NLRP8: variants seen among roughly 807,000 people sequenced by gnomAD.
The protein encoded by NLRP8 is NLR family pyrin domain containing 8.
In NLRP8, 86 loss-of-function variants were observed where a neutral mutation model predicts 88.7. That is an observed-to-expected ratio of 0.97 (90% CI 0.81 to 1.16). NLRP8 has a LOEUF of 1.16. Ranked by LOEUF, NLRP8 falls within the 50% of genes most tolerant of loss-of-function variation. NLRP8 has a pLI of 0.00. For synonymous variants in NLRP8, 504 were observed against 494.6 expected (o/e 1.02, Z -0.25); for missense variants, 1,342 against 1,286.5 (o/e 1.04, Z -0.66).
intron 4 of NLRP8, among the ~76,000 whole-genome samples, chr19:55,963,868 A>T (rs992603843): frequency 6.6e-6 from 1 of 152,064 alleles, no homozygotes; most frequent in Non-Finnish European, 1.5e-5. Context: ...ATTTTTTATA[A>T]TGTAAGAGTG....
Position 55,948,043 on chromosome 19 carries a change from C to A in NLRP8, c.141C>A (p.Asn47Lys). The A allele has an allele frequency of 6.2e-7, 1 of 1,614,078 alleles. No individual in the cohort carries two copies. The highest frequency in any genetic ancestry group is 8.5e-7 in the Non-Finnish European group (1 of 1,180,020). The change falls in exon 1 of 10, where the codon AAC (asparagine) becomes AAA (lysine). Residue 47 changes from asparagine to lysine, a missense_variant. Asn to Lys is a moderately conservative substitution (Grantham distance 94). Transcript: ENST00000291971. Reference sequence around the variant, plus strand: ...ATGGGGTCATGCTGTACATGAGAAACGTGAGCCATGAGGAGCTACAACGGT... The same window carrying A: ...ATGGGGTCATGCTGTACATGAGAAAAGTGAGCCATGAGGAGCTACAACGGT...
chr19:55,982,197 C>T (rs1007011685), intron 9 of NLRP8, among the ~76,000 whole-genome samples: 4 of 152,056 alleles, frequency 2.6e-5, no homozygotes, highest in African/African-American at 9.7e-5. Flanking sequence ...CCACTATGCC[C>T]GGCCCAGGTT....
chr19:55,958,682 C>G (rs2123195064), intron 3 of NLRP8, among the ~76,000 whole-genome samples: 1 of 152,144 alleles, frequency 6.6e-6, no homozygotes, highest in East Asian at 1.9e-4. Flanking sequence ...GAAAAATTTG[C>G]CAACCCCTGC....
At chr19:55,948,994 A>G (rs140198282) in intron 1 of NLRP8, among the ~76,000 whole-genome samples, 9 of 152,300 alleles carry the variant, frequency 5.9e-5, no homozygotes, top group African/African-American at 1.9e-4. Flanking sequence ...CCTCATCTTC[A>G]ATATGAATAA....
chr19:55,975,301 A>C (rs1420514871), intron 7 of NLRP8, among the ~76,000 whole-genome samples: 1 of 152,178 alleles, frequency 6.6e-6, no homozygotes. Flanking sequence ...ACCCCCTGAA[A>C]CACTGATACT....
At chr19:55,956,821 G>A (rs1979377337) in intron 3 of NLRP8, among the ~76,000 whole-genome samples, 2 of 151,968 alleles carry the variant, frequency 1.3e-5, no homozygotes, top group Non-Finnish European at 2.9e-5. Context: ...TTTTGAGATA[G>A]GGTCTCTTTC....
At chr19:55,971,783 G>T (rs1980085119) in intron 6 of NLRP8, among the ~76,000 whole-genome samples, 2 of 152,086 alleles carry the variant, frequency 1.3e-5, no homozygotes, top group Non-Finnish European at 2.9e-5. Flanking sequence ...CAGAGCAATG[G>T]GTATGAAGGT....
chr19:55,949,863 C>A (rs1979014815), intron 1 of NLRP8, among the ~76,000 whole-genome samples: 1 of 152,118 alleles, frequency 6.6e-6, no homozygotes, highest in African/African-American at 2.4e-5. Flanking sequence ...GTCATAGGTG[C>A]TCAAATATTA....
At chr19:55,961,448 G>C (rs528011454) in intron 3 of NLRP8, among the ~76,000 whole-genome samples, 2 of 152,174 alleles carry the variant, frequency 1.3e-5, no homozygotes, top group East Asian at 3.9e-4. Context: ...CACAGGGTAA[G>C]AATGTAGGTA....
intron 3 of NLRP8, among the ~76,000 whole-genome samples, chr19:55,957,660 G>GAAAA (rs58020055): frequency 1.1e-5 from 1 of 93,480 alleles, no homozygotes; most frequent in African/African-American, 6.4e-5. Context: ...TCTTAAAAAA[G>GAAAA]AAAAAATAAT....
At chr19:55,961,318 C>T (rs759255385) in intron 3 of NLRP8, among the ~76,000 whole-genome samples, 19 of 152,130 alleles carry the variant, frequency 1.2e-4, no homozygotes, top group Admixed American at 9.2e-4. Context: ...GGTCCTTCTA[C>T]GGCCAAACTA....
chr19:55,978,322 A>G (rs1980433149), intron 8 of NLRP8, among the ~76,000 whole-genome samples: 1 of 152,168 alleles, frequency 6.6e-6, no homozygotes, highest in Non-Finnish European at 1.5e-5. Flanking sequence ...CATGAGCAGT[A>G]ACTTGGCTCA....
chr19:55,984,678 C>T (rs1221316672), intron 9 of NLRP8, among the ~76,000 whole-genome samples: 1 of 108,508 alleles, frequency 9.2e-6, no homozygotes, highest in African/African-American at 4.2e-5. Flanking sequence ...AAAAAAACAA[C>T]AGTTGTGCCA....
At chr19:55,977,145 G>A (rs148361589) in intron 8 of NLRP8, among the ~76,000 whole-genome samples, 98 of 141,484 alleles carry the variant, frequency 6.9e-4, no homozygotes, top group African/African-American at 2.5e-3. Flanking sequence ...ACATATATAC[G>A]TATATACGTA....
chr19:55,984,779 G>C (rs527874174), intron 9 of NLRP8, among the ~76,000 whole-genome samples: 1 of 151,320 alleles, frequency 6.6e-6, no homozygotes, highest in Non-Finnish European at 1.5e-5. Flanking sequence ...CGAGGCTGCA[G>C]TAAGCCGTGC....
chr19:55,979,332 C>T (rs564887867), intron 8 of NLRP8, 62 bp from the exon 9 acceptor site: 39 of 1,581,238 alleles, frequency 2.5e-5, no homozygotes, highest in Non-Finnish European at 3.3e-5. Flanking sequence ...GTCACACCGG[C>T]TGAGCTCTCA....
At chr19:55,979,285 A>T in intron 8 of NLRP8, 109 bp from the exon 9 acceptor site, 2 of 1,201,278 alleles carry the variant, frequency 1.7e-6, no homozygotes, top group Non-Finnish European at 2.4e-6. Context: ...GAACAACATT[A>T]CACATTCCTG....
At chr19:55,973,187 T>C (rs1028042850) in intron 6 of NLRP8, among the ~76,000 whole-genome samples, 7 of 152,216 alleles carry the variant, frequency 4.6e-5, no homozygotes, top group African/African-American at 1.7e-4. Context: ...CAATTTGCAG[T>C]TCCCTGATAC....
chr19:55,954,953 C>T lies in NLRP8; in HGVS notation c.895C>T (p.Leu299=). Reference sequence around the variant, plus strand: ...GCTCACATCTACCCTCATTGACAGACTGGAGGACCTGAGTGAAGACTGGAG... The same window carrying T: ...GCTCACATCTACCCTCATTGACAGATTGGAGGACCTGAGTGAAGACTGGAG... Residue 299 remains leucine (L), a synonymous_variant, in exon 3 of 10, where the codon CTG becomes TTG. Coordinates refer to ENST00000291971, the MANE Select transcript of NLRP8 (RefSeq NM_176811.2). 3.1e-6 allele frequency: 5 copies of T among 1,614,172 alleles called. No individual in the cohort carries two copies. Among genetic ancestry groups the T allele is most frequent in the Non-Finnish European group, 4.2e-6 (5 of 1,180,036 alleles).
Sources: gnomAD v4.1 joint callset for allele counts (sites outside exome capture counted in the v4.1 genomes callset) on GRCh38, gnomAD v4.1.1 for gene constraint, MANE v1.5 for transcripts, NCBI Gene and HGNC (gene_info 2026-07-23, HGNC 2026-07-21) for gene names.